The following SEMA3E variants were observed in gnomAD, a reference collection of about 807,000 sequenced individuals.
SEMA3E encodes semaphorin-3E.
A neutral mutation model predicts 93.6 loss-of-function variants in SEMA3E; 49 were observed. The observed-to-expected ratio is 0.52, with a 90% confidence interval of 0.42 to 0.66. The LOEUF is 0.66. Ranked by LOEUF, SEMA3E falls within the 30% of genes least tolerant of loss-of-function variation. SEMA3E has a pLI of 0.00. For missense variants in SEMA3E, 906 were observed against 964.8 expected (o/e 0.94, Z 0.81); for synonymous variants, 363 against 330.7 (o/e 1.10, Z -1.06).
chr7:83,412,400 A>C (rs1172304061), intron 5 of SEMA3E, among the ~76,000 whole-genome samples: 1 of 152,124 alleles, frequency 6.6e-6, no homozygotes, highest in South Asian at 2.1e-4. Context: ...ATAATTAAAT[A>C]TATCAGAAGT....
At chr7:83,395,847 T>C (rs1345332337) in intron 12 of SEMA3E, among the ~76,000 whole-genome samples, 3 of 152,122 alleles carry the variant, frequency 2.0e-5, no homozygotes, top group Admixed American at 2.0e-4. Flanking sequence ...ATCAGCAATA[T>C]ATATTAAATA....
intron 16 of SEMA3E, among the ~76,000 whole-genome samples, chr7:83,381,318 C>T (rs1584204819): frequency 6.6e-6 from 1 of 152,004 alleles, no homozygotes; most frequent in East Asian, 1.9e-4. Flanking sequence ...GCTCTTCACT[C>T]AGCTGTTCTT....
intron 1 of SEMA3E, among the ~76,000 whole-genome samples, chr7:83,569,765 A>G (rs563276631): frequency 6.6e-6 from 1 of 152,326 alleles, no homozygotes; most frequent in African/African-American, 2.4e-5. Context: ...CAGCCACACA[A>G]TAATAGTGGG....
At chr7:83,491,621 G>A (rs1239045902) in intron 1 of SEMA3E, among the ~76,000 whole-genome samples, 1 of 151,860 alleles carries the variant, frequency 6.6e-6, no homozygotes, top group Non-Finnish European at 1.5e-5. Context: ...GGGAAAAAAG[G>A]AATAATAGGT....
chr7:83,549,158 A>T (rs1791710384), intron 1 of SEMA3E, among the ~76,000 whole-genome samples: 1 of 152,180 alleles, frequency 6.6e-6, no homozygotes, highest in Admixed American at 6.6e-5. Flanking sequence ...TCAATTTTTG[A>T]GTTATATGGA....
intron 16 of SEMA3E, among the ~76,000 whole-genome samples, chr7:83,375,256 A>T (rs1794804515): frequency 6.6e-6 from 1 of 152,124 alleles, no homozygotes; most frequent in Admixed American, 6.5e-5. Flanking sequence ...AAATCCTAAG[A>T]TTTAAAATGT....
At chr7:83,509,487 T>C (rs1037250547) in intron 1 of SEMA3E, among the ~76,000 whole-genome samples, 1 of 152,158 alleles carries the variant, frequency 6.6e-6, no homozygotes, top group East Asian at 1.9e-4. Context: ...CCCAAAAGTC[T>C]AGGTAATTTG....
At chr7:83,505,829 C>T (rs1030733412) in intron 1 of SEMA3E, among the ~76,000 whole-genome samples, 1 of 151,662 alleles carries the variant, frequency 6.6e-6, no homozygotes, top group Non-Finnish European at 1.5e-5. Flanking sequence ...TCCTGGCTAA[C>T]ATGGTGAAAC....
intron 10 of SEMA3E, among the ~76,000 whole-genome samples, chr7:83,402,059 G>A (rs1460456649): frequency 6.6e-6 from 1 of 151,972 alleles, no homozygotes; most frequent in African/African-American, 2.4e-5. Context: ...TTGTACTCTA[G>A]CAATACTTTT....
At chr7:83,542,870 CT>C (rs1584320373) in intron 1 of SEMA3E, among the ~76,000 whole-genome samples, 2 of 152,202 alleles carry the variant, frequency 1.3e-5, no homozygotes, top group Admixed American at 1.3e-4. Context: ...TCTTGAAAAA[CT>C]TTTTAACACA....
chr7:83,494,454 C>T (rs114757420), intron 1 of SEMA3E, among the ~76,000 whole-genome samples: 1,632 of 151,876 alleles, frequency 0.011, 28 homozygotes, highest in African/African-American at 0.038. Flanking sequence ...AACTACATCC[C>T]TTAATAAAAG....
intron 1 of SEMA3E, among the ~76,000 whole-genome samples, chr7:83,517,433 A>G (rs1402360432): frequency 2.0e-5 from 3 of 152,214 alleles, no homozygotes; most frequent in Non-Finnish European, 2.9e-5. Flanking sequence ...AATTGCAATT[A>G]TACTCTAGGA....
intron 1 of SEMA3E, among the ~76,000 whole-genome samples, chr7:83,588,807 C>T (rs1255923735): frequency 6.6e-6 from 1 of 152,068 alleles, no homozygotes; most frequent in East Asian, 1.9e-4. Flanking sequence ...AAAGCTTACC[C>T]AGAGCGCAAC....
rs997814302 is a variant in SEMA3E, at chr7:83,366,676, T to G, written c.*910A>C. The stretch of plus-strand genomic sequence containing the variant: ...AAAGTATGATACAAGGATTAACATG[T>G]TTTTTATTTCAGTTATTTGTTTCTG... On this transcript the variant is annotated 3_prime_UTR_variant, in exon 17 of 17. Coordinates refer to ENST00000643230, the MANE Select transcript of SEMA3E (RefSeq NM_012431.3). 5.3e-5 allele frequency: 8 copies of G among 152,132 alleles called. No individual in the cohort carries two copies. Among genetic ancestry groups the G allele is most frequent in the Non-Finnish European group, 1.2e-4 (8 of 67,990 alleles). The allele number at this position is 152,132 out of a possible 1,614,324, so 9.4% of individuals were successfully genotyped here.
chr7:83,606,909 T>A (rs1383582635), intron 1 of SEMA3E, among the ~76,000 whole-genome samples: 1 of 152,182 alleles, frequency 6.6e-6, no homozygotes, highest in Admixed American at 6.6e-5. Context: ...AAATATCTGA[T>A]GTTAAAGCTA....
At chr7:83,581,819 T>A (rs1381182115) in intron 1 of SEMA3E, among the ~76,000 whole-genome samples, 1 of 151,986 alleles carries the variant, frequency 6.6e-6, no homozygotes, top group African/African-American at 2.4e-5. Flanking sequence ...GTACAGTCAA[T>A]GTTTTCATTT....
intron 3 of SEMA3E, among the ~76,000 whole-genome samples, chr7:83,468,617 C>T (rs2115888433): frequency 1.3e-5 from 2 of 152,104 alleles, no homozygotes; most frequent in South Asian, 4.2e-4. Context: ...AGGACTTCCT[C>T]CAGGGTGCAT....
At chr7:83,505,900 A>G (rs1041364994) in intron 1 of SEMA3E, among the ~76,000 whole-genome samples, 2 of 151,260 alleles carry the variant, frequency 1.3e-5, no homozygotes, top group African/African-American at 4.9e-5. Flanking sequence ...CTGCAGTCCC[A>G]GCTACTCGGG....
At chr7:83,587,772 T>C (rs1277309206) in intron 1 of SEMA3E, among the ~76,000 whole-genome samples, 1 of 151,894 alleles carries the variant, frequency 6.6e-6, no homozygotes, top group Non-Finnish European at 1.5e-5. Flanking sequence ...TTAATAATCA[T>C]GATTATATGA....
Sources: allele counts gnomAD v4.1 joint callset (sites outside exome capture counted in the v4.1 genomes callset), GRCh38; gene constraint gnomAD v4.1.1; transcripts MANE v1.5; gene names NCBI Gene and HGNC (gene_info 2026-07-23, HGNC 2026-07-21).